The following ANKRD42 variants were observed in gnomAD, a reference collection of about 807,000 sequenced individuals.
The protein encoded by ANKRD42 is ankyrin repeat domain-containing protein 42.
In ANKRD42, 43 loss-of-function variants were observed where a neutral mutation model predicts 51.5. The ratio of observed to expected loss-of-function variants is 0.83; its 90% CI spans 0.65 to 1.08. ANKRD42 has a LOEUF of 1.08. Ranked by LOEUF, ANKRD42 falls within the 50% of genes least tolerant of loss-of-function variation. ANKRD42 has a pLI of 0.00. For missense variants in ANKRD42, 608 were observed against 629.3 expected (o/e 0.97, Z 0.36); for synonymous variants, 203 against 213.0 (o/e 0.95, Z 0.41).
At chr11:83,216,670 C>T (rs535785030) in intron 5 of ANKRD42, among the ~76,000 whole-genome samples, 52 of 152,154 alleles carry the variant, frequency 3.4e-4, no homozygotes, top group Non-Finnish European at 5.4e-4. Context: ...TAAATTGTCT[C>T]GGCTTTTGTT....
At chr11:83,214,493 A>C in intron 5 of ANKRD42, 1 of 979,104 alleles carries the variant, frequency 1.0e-6, no homozygotes, top group Non-Finnish European at 1.2e-6. Flanking sequence ...TATTTTATTT[A>C]TAACCAGGTA....
At chr11:83,208,509 G>C (rs752244338) in intron 3 of ANKRD42, among the ~76,000 whole-genome samples, 1 of 152,164 alleles carries the variant, frequency 6.6e-6, no homozygotes, top group Non-Finnish European at 1.5e-5. Flanking sequence ...GGATTATTAG[G>C]ATGAAGGAAG....
At chr11:83,208,217 G>GGA (rs545692067) in intron 3 of ANKRD42, among the ~76,000 whole-genome samples, 1,538 of 150,464 alleles carry the variant, frequency 0.01, 26 homozygotes, top group African/African-American at 0.036. Context: ...GTCTGTGGGA[G>GGA]GGGGGGGTCT....
downstream of ANKRD42, among the ~76,000 whole-genome samples, chr11:83,252,784 T>C (rs1863697704): frequency 6.6e-6 from 1 of 151,958 alleles, no homozygotes; most frequent in Non-Finnish European, 1.5e-5. Flanking sequence ...TTTTTCTTTG[T>C]GCTCTTTGGT....
At chr11:83,236,059 G>A (rs1292654021) in intron 7 of ANKRD42, among the ~76,000 whole-genome samples, 1 of 152,174 alleles carries the variant, frequency 6.6e-6, no homozygotes, top group Non-Finnish European at 1.5e-5. Flanking sequence ...CAGGAGATAA[G>A]CACTGGATAG....
intron 5 of ANKRD42, chr11:83,214,506 G>T: frequency 1.0e-6 from 1 of 979,524 alleles, no homozygotes; most frequent in Non-Finnish European, 1.2e-6. Flanking sequence ...ACCAGGTAGA[G>T]TATTTATAAT....
chr11:83,256,166 G>A (rs998338119), downstream of ANKRD42: 1 of 273,446 alleles, frequency 3.7e-6, no homozygotes, highest in Admixed American at 4.9e-5. Flanking sequence ...CAAGTCAAGA[G>A]ATTTATGAGT....
chr11:83,224,837 T>G lies in ANKRD42; in HGVS notation c.587-18T>G. On this transcript the variant is annotated intron_variant, in intron 5 of 10. Coordinates refer to ENST00000533342, the MANE Select transcript of ANKRD42 (RefSeq NM_001300975.2). ...TTAAAAAATAAAAATTAAATTAATT[T>G]TTTTTCCTTTCCTCTAGTTCACTTA... The G allele has an allele frequency of 6.5e-7, 1 of 1,537,838 alleles. No individual in the cohort carries two copies.
At chr11:83,234,329 T>C (rs1297687330) in intron 7 of ANKRD42, among the ~76,000 whole-genome samples, 1 of 152,218 alleles carries the variant, frequency 6.6e-6, no homozygotes, top group African/African-American at 2.4e-5. Flanking sequence ...ATTTAGTAGA[T>C]AAGCTGTGGT....
At chr11:83,226,773 C>G (rs1243970187) in intron 6 of ANKRD42, among the ~76,000 whole-genome samples, 1 of 151,346 alleles carries the variant, frequency 6.6e-6, no homozygotes, top group Non-Finnish European at 1.5e-5. Context: ...GTGACCACAC[C>G]TCAGTGACAA....
At chr11:83,214,639 C>A (rs1439862552) in intron 5 of ANKRD42, 4 of 796,324 alleles carry the variant, frequency 5.0e-6, no homozygotes, top group Non-Finnish European at 6.1e-6. Flanking sequence ...TAATTTGATA[C>A]ATTCATTTGT....
intron 5 of ANKRD42, chr11:83,213,444 A>G: frequency 1.4e-6 from 2 of 1,454,460 alleles, no homozygotes; most frequent in Non-Finnish European, 1.8e-6. Flanking sequence ...TAAAACTGTA[A>G]AAACTGCAAA....
chr11:83,248,349 T>C lies in ANKRD42; in HGVS notation c.*145T>C, dbSNP rs573578211. 7.3e-6 allele frequency: 10 copies of C among 1,364,266 alleles called. No homozygotes were observed. The South Asian group carries it at 2.0e-4, about 28-fold the overall frequency. 84.5% of individuals were successfully genotyped at this position (1,364,266 alleles called of 1,614,324 possible). ...CACACACACACACTCTATATGTAACTATAACTTTCTAGATACATACACACA... is the reference window on the plus strand; with the variant it reads ...CACACACACACACTCTATATGTAACCATAACTTTCTAGATACATACACACA... On this transcript the variant is annotated 3_prime_UTR_variant, in exon 11 of 11. Coordinates refer to ENST00000533342, the MANE Select transcript of ANKRD42 (RefSeq NM_001300975.2).
chr11:83,228,251 T>C (rs1402085725), intron 7 of ANKRD42, among the ~76,000 whole-genome samples: 27 of 125,508 alleles, frequency 2.2e-4, no homozygotes, highest in East Asian at 1.8e-3. Context: ...TTTTTTTTTT[T>C]TTTTTTTTTT....
intron 5 of ANKRD42, chr11:83,214,474 A>C: frequency 1.0e-6 from 1 of 979,114 alleles, no homozygotes; most frequent in South Asian, 4.7e-5. Flanking sequence ...TTCTTTAAAC[A>C]TGTATGATTA....
At chr11:83,254,250 C>T (rs1043274076) in intron 11 of ANKRD42, among the ~76,000 whole-genome samples, 4 of 151,818 alleles carry the variant, frequency 2.6e-5, no homozygotes, top group Non-Finnish European at 4.4e-5. Context: ...GCTGGGATTA[C>T]AGATGTGAGC....
chr11:83,254,430 C>CTTTTTTTTTTTTTTTTTT lies in ANKRD42; in HGVS notation c.1465-1411_1465-1410insTTTTTTTTTTTTTTTTTT, dbSNP rs778427623. 1.5e-5 allele frequency among the ~76,000 whole-genome samples: 2 copies of CTTTTTTTTTTTTTTTTTT among 130,412 alleles called. 1 individual carries two copies. The allele number at this position is 130,412 out of a possible 152,430, so 85.6% of individuals were successfully genotyped here. On this transcript the variant is annotated intron_variant, in intron 11 of 11. Coordinates refer to the ANKRD42 transcript ENST00000260047. ...CCCCACCTGAGTGTTTTTCTTTTTT[C>CTTTTTTTTTTTTTTTTTT]TTTTCTTTTTTTTTTTTTTGAGACA...
In ANKRD42 at chr11:83,199,752, CAT is replaced by C. The variant is rs72237323; in HGVS notation, c.222+1111_222+1112del. Among the ~76,000 whole-genome samples the C allele has an allele frequency of 6.0e-3, 918 of 152,306 alleles. 4 individuals carry two copies. Among genetic ancestry groups the C allele is most frequent in the African/African-American group, 0.019 (801 of 41,556 alleles). ...TGTCTTTTTACCCCTACCACACACA[CAT>C]GACTTCCTTCTGTGAGTATGGCAGT... is the stretch of plus-strand genomic sequence containing the variant. On this transcript the variant is annotated intron_variant, in intron 2 of 10. Transcript: ENST00000533342.
At chr11:83,194,831 A>G (rs113557435) in intron 1 of ANKRD42, 103 bp downstream of exon 1, 19,280 of 1,181,750 alleles carry the variant, frequency 0.016, 214 homozygotes, top group Non-Finnish European at 0.02. Flanking sequence ...CTCAGCCGTC[A>G]CTCCCCCCTT....
Sources: gnomAD v4.1 joint callset for allele counts (sites outside exome capture counted in the v4.1 genomes callset) on GRCh38, gnomAD v4.1.1 for gene constraint, MANE v1.5 for transcripts, NCBI Gene and HGNC (gene_info 2026-07-23, HGNC 2026-07-21) for gene names.